Variants in EYA4 observed in about 807,000 individuals in gnomAD.
The protein encoded by EYA4 is protein phosphatase EYA4.
A neutral mutation model predicts 87.9 loss-of-function variants in EYA4; 31 were observed. The observed-to-expected ratio is 0.35, with a 90% CI of 0.27 to 0.48. The LOEUF (loss-of-function observed/expected upper bound fraction) is 0.48, where lower values mean the gene tolerates loss of function less well. EYA4 is among the 20% of genes least tolerant of loss of function. EYA4 has a pLI of 0.99. For missense variants in EYA4, 678 were observed against 761.4 expected (o/e 0.89, Z 1.29); for synonymous variants, 263 against 270.6 (o/e 0.97, Z 0.28).
chr6:133,272,226 T>C (rs963853572), intron 1 of EYA4, among the ~76,000 whole-genome samples: 4 of 152,174 alleles, frequency 2.6e-5, no homozygotes, highest in Non-Finnish European at 5.9e-5. Flanking sequence ...CAGAACCATT[T>C]GTGAATCAGG....
chr6:133,452,182 T>A (rs1446875974), intron 5 of EYA4, among the ~76,000 whole-genome samples: 1 of 152,170 alleles, frequency 6.6e-6, no homozygotes, highest in Non-Finnish European at 1.5e-5. Flanking sequence ...CTGATCTAAC[T>A]CTTTCTGAAA....
intron 17 of EYA4, among the ~76,000 whole-genome samples, chr6:133,518,306 G>C (rs981272890): frequency 1.3e-5 from 2 of 151,908 alleles, no homozygotes; most frequent in Admixed American, 1.3e-4. Context: ...TGATATTCCA[G>C]AAATAAATAA....
chr6:133,272,752 G>A (rs1398846864), intron 1 of EYA4, among the ~76,000 whole-genome samples: 1 of 152,172 alleles, frequency 6.6e-6, no homozygotes, highest in Non-Finnish European at 1.5e-5. Context: ...CCAAGTGGCA[G>A]AACAGCTTGC....
At chr6:133,523,762 T>C (rs1464715276) in intron 18 of EYA4, among the ~76,000 whole-genome samples, 1 of 152,208 alleles carries the variant, frequency 6.6e-6, no homozygotes, top group Non-Finnish European at 1.5e-5. Flanking sequence ...AGTGCATTTC[T>C]CGCAGACTCC....
chr6:133,490,401 A>AAC (rs1033050955), intron 13 of EYA4, among the ~76,000 whole-genome samples: 8 of 152,032 alleles, frequency 5.3e-5, no homozygotes, highest in African/African-American at 1.9e-4. Context: ...AACAAAAAAA[A>AAC]ACAAAAAACC....
intron 2 of EYA4, among the ~76,000 whole-genome samples, chr6:133,328,966 A>T (rs1355119673): frequency 6.6e-6 from 1 of 152,050 alleles, no homozygotes; most frequent in African/African-American, 2.4e-5. Flanking sequence ...GTGCAAAGAA[A>T]TTTTCCCACT....
chr6:133,304,379 A>C (rs1325290083), intron 2 of EYA4, among the ~76,000 whole-genome samples: 1 of 152,212 alleles, frequency 6.6e-6, no homozygotes, highest in Non-Finnish European at 1.5e-5. Context: ...GAAGATGGAC[A>C]GTCTTTTCTG....
chr6:133,516,323 A>G (rs966157424), intron 17 of EYA4, among the ~76,000 whole-genome samples: 20 of 152,106 alleles, frequency 1.3e-4, no homozygotes, highest in African/African-American at 4.6e-4. Flanking sequence ...TAATCTGTAT[A>G]GCAAAACCCC....
chr6:133,522,470 G>T (rs1800271282), intron 17 of EYA4, among the ~76,000 whole-genome samples: 1 of 151,984 alleles, frequency 6.6e-6, no homozygotes, highest in African/African-American at 2.4e-5. Flanking sequence ...ATACAAAATT[G>T]AATATACAGA....
Position 133,298,481 on chromosome 6 carries a change from C to T in EYA4, c.33+23668C>T, listed in dbSNP as rs574070320. Among the ~76,000 whole-genome samples the T allele has an allele frequency of 4.6e-5, 7 of 152,136 alleles. No individual in the cohort carries two copies. The South Asian group carries it at 1.5e-3, about 32-fold the overall frequency. On this transcript the variant is annotated intron_variant, in intron 2 of 19. Coordinates refer to ENST00000355286, the MANE Select transcript of EYA4 (RefSeq NM_004100.5). ...TATGTATATGTGTGTGTGTTTAAAT[C>T]ATAAGTCTGTATTGGTATTCTCAAC...
At chr6:133,333,640 A>C (rs991619110) in intron 2 of EYA4, among the ~76,000 whole-genome samples, 1 of 152,182 alleles carries the variant, frequency 6.6e-6, no homozygotes, top group Non-Finnish European at 1.5e-5. Context: ...GTGAAAACTG[A>C]GACAACTGGT....
intron 2 of EYA4, among the ~76,000 whole-genome samples, chr6:133,380,564 G>T (rs1474995130): frequency 6.6e-6 from 1 of 152,152 alleles, no homozygotes; most frequent in Admixed American, 6.5e-5. Flanking sequence ...AGTCATCATG[G>T]TCTTGAGGAA....
At chr6:133,296,326 C>T (rs980441139) in intron 2 of EYA4, among the ~76,000 whole-genome samples, 28 of 152,278 alleles carry the variant, frequency 1.8e-4, no homozygotes, top group African/African-American at 5.1e-4. Context: ...CTGAGGGAGA[C>T]GTCAAGTCAC....
At chr6:133,327,022 A>T (rs1781550776) in intron 2 of EYA4, among the ~76,000 whole-genome samples, 2 of 152,128 alleles carry the variant, frequency 1.3e-5, no homozygotes, top group Non-Finnish European at 1.5e-5. Flanking sequence ...GTTTTGCCAA[A>T]ATACAGATTC....
At chr6:133,429,184 C>G (rs1790961993) in intron 3 of EYA4, among the ~76,000 whole-genome samples, 1 of 151,910 alleles carries the variant, frequency 6.6e-6, no homozygotes, top group Non-Finnish European at 1.5e-5. Flanking sequence ...CTCAGCCTCC[C>G]AAAGTGCTGG....
chr6:133,477,440 T>C (rs1478314055), intron 11 of EYA4, among the ~76,000 whole-genome samples: 1 of 152,136 alleles, frequency 6.6e-6, no homozygotes, highest in African/African-American at 2.4e-5. Context: ...TGCCAACCCA[T>C]TGCCCATTTT....
rs886061098 is a variant in EYA4 at position 133,531,564 on chromosome 6, G to A, written c.*2759G>A. On this transcript the variant is annotated 3_prime_UTR_variant, in exon 20 of 20. Transcript: ENST00000355286. ...TTACTACGAAAGATAACCACCTTGT[G>A]TTGCACCTTAAAAATATCAAGACCA... The A allele has an allele frequency of 1.4e-4, 35 of 252,818 alleles. No homozygotes were observed. Among genetic ancestry groups the A allele is most frequent in the Non-Finnish European group, 1.1e-4 (15 of 132,306 alleles). 15.7% of individuals were successfully genotyped at this position (252,818 alleles called of 1,614,324 possible).
In EYA4 at chr6:133,298,617, T is replaced by C. The variant is rs116198295; in HGVS notation, c.33+23804T>C. Among the ~76,000 whole-genome samples the C allele has an allele frequency of 2.0e-3, 307 of 152,328 alleles. 2 individuals carry two copies. The highest frequency in any genetic ancestry group is 7.1e-3 in the African/African-American group (297 of 41,578). The stretch of plus-strand genomic sequence containing the variant: ...GTTTGACCTTGGACAATTTACTTAA[T>C]TTCACTGTCTTTCTTAGTTTCCGCA... On this transcript the variant is annotated intron_variant, in intron 2 of 19. Transcript: ENST00000355286.
intron 17 of EYA4, among the ~76,000 whole-genome samples, chr6:133,517,498 C>T (rs1799699060): frequency 6.6e-6 from 1 of 151,008 alleles, no homozygotes; most frequent in Admixed American, 6.6e-5. Context: ...TTTATTTGGA[C>T]TAATTGAATC....
Sources: gnomAD v4.1 joint callset for allele counts (sites outside exome capture counted in the v4.1 genomes callset) on GRCh38, gnomAD v4.1.1 for gene constraint, MANE v1.5 for transcripts, NCBI Gene and HGNC (gene_info 2026-07-23, HGNC 2026-07-21) for gene names.